Variants in CAST observed in about 807,000 individuals in gnomAD.
CAST encodes the protein MIR583 host.
Under a neutral mutation model 119.6 loss-of-function variants are expected in CAST, and 76 were observed. That is an observed-to-expected ratio of 0.64 (90% CI 0.53 to 0.77). The LOEUF is 0.77. Ranked by LOEUF, CAST falls within the 30% of genes least tolerant of loss-of-function variation. CAST has a pLI of 0.00. For missense variants in CAST, 953 were observed against 946.5 expected (o/e 1.01, Z -0.09); for synonymous variants, 319 against 331.6 (o/e 0.96, Z 0.41).
At chr5:96,768,414 A>C in intron 29 of CAST, 1 of 457,314 alleles carries the variant, frequency 2.2e-6, no homozygotes, top group South Asian at 1.6e-5. Context: ...GAATGAATCA[A>C]ACGATGATAT....
the CAST span, among the ~76,000 whole-genome samples, chr5:96,132,544 A>G: frequency 6.6e-6 from 1 of 151,816 alleles, no homozygotes; most frequent in African/African-American, 2.4e-5. Context: ...CCACTAAACA[A>G]CCTCTCTTCA....
At chr5:96,161,990 T>A in the CAST span, among the ~76,000 whole-genome samples, 1 of 152,236 alleles carries the variant, frequency 6.6e-6, no homozygotes, top group Admixed American at 6.5e-5. Context: ...TAAACTTATG[T>A]ATTAGTTCCA....
the CAST span, among the ~76,000 whole-genome samples, chr5:96,493,423 A>C: frequency 6.6e-6 from 1 of 152,158 alleles, no homozygotes; most frequent in African/African-American, 2.4e-5. Context: ...TCACAGAGAG[A>C]GAATAAGGAA....
the CAST span, among the ~76,000 whole-genome samples, chr5:96,161,461 C>G: frequency 1.3e-5 from 2 of 152,142 alleles, no homozygotes; most frequent in African/African-American, 4.8e-5. Context: ...TGATTTATAG[C>G]TGAATCCTCA....
the CAST span, among the ~76,000 whole-genome samples, chr5:96,352,757 C>T: frequency 6.6e-6 from 1 of 152,004 alleles, no homozygotes; most frequent in Non-Finnish European, 1.5e-5. Flanking sequence ...GGGGAGGGAC[C>T]TGGTGGGAGG....
At chr5:96,168,778 G>C in the CAST span, among the ~76,000 whole-genome samples, 14 of 152,028 alleles carry the variant, frequency 9.2e-5, no homozygotes, top group East Asian at 2.5e-3. Context: ...ATTAAAGTCC[G>C]GGCCAGGAAC....
chr5:96,202,011 C>T, the CAST span, among the ~76,000 whole-genome samples: 2 of 152,038 alleles, frequency 1.3e-5, no homozygotes, highest in Admixed American at 6.6e-5. Flanking sequence ...AAAGAGAGGT[C>T]CTAAAATTGT....
At chr5:96,670,181 A>G (rs1321815538) in intron 1 of CAST, among the ~76,000 whole-genome samples, 2 of 152,156 alleles carry the variant, frequency 1.3e-5, no homozygotes, top group Non-Finnish European at 2.9e-5. Flanking sequence ...TGGACATGCA[A>G]ATACTATCTC....
At chr5:96,553,240 T>G (rs1191301899) in intron 1 of CAST, among the ~76,000 whole-genome samples, 1 of 152,224 alleles carries the variant, frequency 6.6e-6, no homozygotes, top group East Asian at 1.9e-4. Context: ...ATCCCTGGGA[T>G]GCAAGGCTGG....
intron 14 of CAST, 23 bp downstream of exon 14, chr5:96,741,381 G>A: frequency 5.8e-6 from 9 of 1,556,396 alleles, no homozygotes; most frequent in Non-Finnish European, 7.1e-6. Context: ...GTGTTGTTAA[G>A]GGAAACTTGT....
At chr5:96,589,199 A>C (rs1004021834) in intron 1 of CAST, among the ~76,000 whole-genome samples, 1 of 152,210 alleles carries the variant, frequency 6.6e-6, no homozygotes, top group African/African-American at 2.4e-5. Context: ...TCAAAGGTCC[A>C]ACTGATGCTC....
At chr5:96,408,382 T>C in the CAST span, 1 of 1,213,248 alleles carries the variant, frequency 8.2e-7, no homozygotes, top group Non-Finnish European at 1.2e-6. Context: ...TGTGGGCCTG[T>C]CTTGGGGGTT....
chr5:96,728,973 CTAT>C, intron 6 of CAST, 177 bp from the exon 7 acceptor site: 1 of 572,344 alleles, frequency 1.7e-6, no homozygotes, highest in Non-Finnish European at 3.1e-6. Flanking sequence ...GACAGGGTTA[CTAT>C]TGACCTGATA....
At chr5:96,560,963 C>T (rs1017988161) in intron 1 of CAST, among the ~76,000 whole-genome samples, 1 of 152,188 alleles carries the variant, frequency 6.6e-6, no homozygotes. Flanking sequence ...AAATGTCCAA[C>T]AATGATAGAC....
the CAST span, among the ~76,000 whole-genome samples, chr5:96,133,954 G>C: frequency 6.6e-6 from 1 of 152,154 alleles, no homozygotes. Flanking sequence ...TGAAAGTCAA[G>C]GTTCTGTGAG....
At chr5:96,715,172 T>G (rs979530994) in intron 3 of CAST, 8 of 152,342 alleles carry the variant, frequency 5.3e-5, no homozygotes, top group African/African-American at 9.6e-5. Flanking sequence ...ATTTTATGAA[T>G]GTACAGCCTA....
chr5:96,138,197 T>G, the CAST span, among the ~76,000 whole-genome samples: 1 of 152,072 alleles, frequency 6.6e-6, no homozygotes, highest in Non-Finnish European at 1.5e-5. Context: ...CTTTTTTTTC[T>G]TTTAACATAT....
chr5:96,121,807 AG>A, the CAST span, among the ~76,000 whole-genome samples: 1 of 152,138 alleles, frequency 6.6e-6, no homozygotes, highest in Non-Finnish European at 1.5e-5. Flanking sequence ...AGACATAGGA[AG>A]GGACTATTAC....
the CAST span, among the ~76,000 whole-genome samples, chr5:96,411,929 C>T: frequency 6.6e-6 from 1 of 152,194 alleles, no homozygotes; most frequent in Non-Finnish European, 1.5e-5. Context: ...TGTGCCTCAG[C>T]CTCCCGAGTA....
Sources: gnomAD v4.1 joint callset for allele counts (sites outside exome capture counted in the v4.1 genomes callset) on GRCh38, gnomAD v4.1.1 for gene constraint, MANE v1.5 for transcripts, NCBI Gene and HGNC (gene_info 2026-07-23, HGNC 2026-07-21) for gene names.